SRRM4: variants seen among roughly 807,000 people sequenced by gnomAD.
The protein encoded by SRRM4 is serine/arginine repetitive matrix 4, also known as serine/arginine repetitive matrix protein 4.
Under a neutral mutation model 68.9 loss-of-function variants are expected in SRRM4, and 33 were observed. That is an observed-to-expected ratio of 0.48 (90% CI 0.36 to 0.64). SRRM4 has a LOEUF of 0.64. Among genes scored for constraint, SRRM4 ranks in the 30% least tolerant of loss-of-function variants. SRRM4 has a pLI of 0.00. For synonymous variants in SRRM4, 318 were observed against 318.8 expected (o/e 1.00, Z 0.03); for missense variants, 817 against 827.1 (o/e 0.99, Z 0.15).
At chr12:119,010,069 C>T (rs1976923) in intron 1 of SRRM4, among the ~76,000 whole-genome samples, 42,307 of 152,048 alleles carry the variant, frequency 0.28, 6,145 homozygotes, top group Non-Finnish European at 0.31. Flanking sequence ...ATTTTCTTTC[C>T]TGAGACCGAG....
intron 6 of SRRM4, among the ~76,000 whole-genome samples, chr12:119,123,194 C>T (rs1954233946): frequency 6.6e-6 from 1 of 152,108 alleles, no homozygotes; most frequent in African/African-American, 2.4e-5. Flanking sequence ...GCTTTGCTGC[C>T]CCAAACGGTC....
chr12:119,029,305 G>A (rs1244563135), intron 1 of SRRM4, among the ~76,000 whole-genome samples: 1 of 152,166 alleles, frequency 6.6e-6, no homozygotes, highest in African/African-American at 2.4e-5. Flanking sequence ...AGTGATTGAA[G>A]GCGCTGGGTA....
At chr12:119,140,779 G>T (rs1303131696) in intron 8 of SRRM4, among the ~76,000 whole-genome samples, 1 of 152,228 alleles carries the variant, frequency 6.6e-6, no homozygotes, top group Non-Finnish European at 1.5e-5. Flanking sequence ...CAGAGCCTCT[G>T]GGTGCTTTCT....
intron 1 of SRRM4, among the ~76,000 whole-genome samples, chr12:118,996,645 C>A (rs1292838190): frequency 6.6e-6 from 1 of 152,210 alleles, no homozygotes; most frequent in Non-Finnish European, 1.5e-5. Flanking sequence ...ACAGATTTCA[C>A]TGAATTCTCA....
At chr12:119,137,632 G>C (rs1473112765) in intron 8 of SRRM4, among the ~76,000 whole-genome samples, 2 of 135,966 alleles carry the variant, frequency 1.5e-5, no homozygotes, top group Non-Finnish European at 3.2e-5. Flanking sequence ...GAGAGAGAGA[G>C]AGGAGATACT....
intron 8 of SRRM4, among the ~76,000 whole-genome samples, chr12:119,136,236 T>C (rs1009624436): frequency 6.6e-5 from 10 of 152,314 alleles, no homozygotes; most frequent in Middle Eastern, 3.4e-3. Flanking sequence ...GATGGGAATA[T>C]GCTTCCCCCT....
chr12:119,081,937 T>C (rs1405942665), intron 1 of SRRM4, among the ~76,000 whole-genome samples: 1 of 152,214 alleles, frequency 6.6e-6, no homozygotes, highest in Non-Finnish European at 1.5e-5. Context: ...ATTTATACCT[T>C]TACTTTAATT....
At chr12:119,066,252 A>G (rs1315233983) in intron 1 of SRRM4, among the ~76,000 whole-genome samples, 1 of 152,120 alleles carries the variant, frequency 6.6e-6, no homozygotes, top group African/African-American at 2.4e-5. Flanking sequence ...ACTGTAATAA[A>G]CCTTGTACTT....
intron 1 of SRRM4, among the ~76,000 whole-genome samples, chr12:119,019,457 C>A (rs183960784): frequency 3.3e-5 from 5 of 152,206 alleles, no homozygotes; most frequent in Admixed American, 2.6e-4. Flanking sequence ...AATTCCCCCC[C>A]TCAAGCATTT....
chr12:118,996,555 C>G (rs1178821505), intron 1 of SRRM4, among the ~76,000 whole-genome samples: 3 of 152,148 alleles, frequency 2.0e-5, no homozygotes, highest in Admixed American at 2.0e-4. Flanking sequence ...AAGTGACTTG[C>G]CCAAGGTCAT....
At chr12:119,019,640 C>T (rs1953502195) in intron 1 of SRRM4, among the ~76,000 whole-genome samples, 1 of 152,210 alleles carries the variant, frequency 6.6e-6, no homozygotes, top group Non-Finnish European at 1.5e-5. Flanking sequence ...CACTACCCTT[C>T]ATAAGAACTC....
At chr12:119,106,325 G>GT (rs1314717689) in intron 2 of SRRM4, among the ~76,000 whole-genome samples, 1 of 152,134 alleles carries the variant, frequency 6.6e-6, no homozygotes, top group African/African-American at 2.4e-5. Flanking sequence ...CTTTAAAGTA[G>GT]TTTTTTCCAG....
At chr12:119,041,935 C>T (rs563794922) in intron 1 of SRRM4, among the ~76,000 whole-genome samples, 28 of 152,164 alleles carry the variant, frequency 1.8e-4, no homozygotes, top group African/African-American at 6.3e-4. Flanking sequence ...TGCTTTAAGG[C>T]GGTGGGTAGA....
At chr12:119,088,828 T>G (rs990971607) in intron 1 of SRRM4, among the ~76,000 whole-genome samples, 2 of 152,208 alleles carry the variant, frequency 1.3e-5, no homozygotes, top group Non-Finnish European at 2.9e-5. Context: ...GTTGGAAGAC[T>G]AGGTCCCAAA....
intron 1 of SRRM4, among the ~76,000 whole-genome samples, chr12:119,060,784 G>A (rs1953807030): frequency 6.6e-6 from 1 of 151,970 alleles, no homozygotes; most frequent in South Asian, 2.1e-4. Flanking sequence ...AGGACATAAT[G>A]ACCTCTGAAG....
At position 119,153,713 on chromosome 12, in the gene SRRM4, C is replaced by T. The variant is rs147198591; in HGVS notation, c.1391+64C>T. The T allele has an allele frequency of 4.7e-4, 577 of 1,238,240 alleles. 2 individuals carry two copies. In the East Asian group the frequency reaches 0.013, roughly 28 times the overall value. The allele number at this position is 1,238,240 out of a possible 1,614,324, so 76.7% of individuals were successfully genotyped here. A position where few individuals can be genotyped will look rare whatever the true frequency, so the allele number is the denominator to read the frequency against. ...CCCACCCCTTTGCTCTGATCCTCCT[C>T]TCTGGCCCCGCCTCCCCGTTCTCGG... On this transcript the variant is annotated intron_variant, in intron 11 of 12. Transcript: ENST00000267260.
intron 7 of SRRM4, among the ~76,000 whole-genome samples, chr12:119,126,462 G>A (rs1251447880): frequency 6.6e-6 from 1 of 152,158 alleles, no homozygotes. Context: ...TAGCAACTAA[G>A]TGACAGTTAG....
intron 3 of SRRM4, 146 bp from the exon 4 acceptor site, chr12:119,116,791 C>A: frequency 1.7e-6 from 1 of 576,166 alleles, no homozygotes; most frequent in South Asian, 2.7e-5. Flanking sequence ...CTTACAAATG[C>A]AAGCTAGTAT....
At chr12:119,087,138 T>C (rs1247457170) in intron 1 of SRRM4, among the ~76,000 whole-genome samples, 1 of 152,218 alleles carries the variant, frequency 6.6e-6, no homozygotes, top group African/African-American at 2.4e-5. Flanking sequence ...GGATCTCCTA[T>C]GACCTCAGTT....
Sources: gnomAD v4.1 joint callset for allele counts (sites outside exome capture counted in the v4.1 genomes callset) on GRCh38, gnomAD v4.1.1 for gene constraint, MANE v1.5 for transcripts, NCBI Gene and HGNC (gene_info 2026-07-23, HGNC 2026-07-21) for gene names.